The following CAPG variants were observed in gnomAD, a reference collection of about 807,000 sequenced individuals.
The protein encoded by CAPG is capping actin protein, gelsolin like.
In CAPG, 32 loss-of-function variants were observed where a neutral mutation model predicts 44.6. That is an observed-to-expected ratio of 0.72 (90% CI 0.54 to 0.96). CAPG has a LOEUF of 0.96. Among genes scored for constraint, CAPG ranks in the 50% least tolerant of loss-of-function variants. The pLI is 0.00. For synonymous variants in CAPG, 175 were observed against 179.6 expected (o/e 0.97, Z 0.20); for missense variants, 412 against 438.3 (o/e 0.94, Z 0.54).
chr2:85,411,076 G>C (rs929439797), upstream of CAPG, among the ~76,000 whole-genome samples: 1 of 152,056 alleles, frequency 6.6e-6, no homozygotes, highest in Admixed American at 6.6e-5. Flanking sequence ...GGCTGGTCTA[G>C]AACTCCTGAA....
intron 5 of CAPG, among the ~76,000 whole-genome samples, chr2:85,400,430 T>G (rs1219350414): frequency 6.6e-6 from 1 of 151,898 alleles, no homozygotes. Context: ...CCCCAAATCT[T>G]CAGCGCCACA....
intron 1 of CAPG, among the ~76,000 whole-genome samples, chr2:85,403,176 T>C (rs529703513): frequency 2.0e-5 from 3 of 152,204 alleles, no homozygotes; most frequent in Non-Finnish European, 4.4e-5. Flanking sequence ...GAGATCACCA[T>C]AGATTTTACA....
Position 85,395,418 on chromosome 2 carries a change from G to T in CAPG, c.981+120C>A. ...CTTTCCCACTGGATGGGTCTAAGAGGGAGGCCTGGTTGTTCCTGACAGTGC... is the reference window on the plus strand; with the variant it reads ...CTTTCCCACTGGATGGGTCTAAGAGTGAGGCCTGGTTGTTCCTGACAGTGC... On this transcript the variant is annotated intron_variant, in intron 9 of 9. Coordinates refer to ENST00000263867, the MANE Select transcript of CAPG (RefSeq NM_001747.4). The surrounding 1 kb of genome is among the most constrained non-coding windows in gnomAD (Gnocchi z 4.3). The T allele has an allele frequency of 1.4e-6, 1 of 732,520 alleles. No homozygotes were observed. The highest frequency in any genetic ancestry group is 2.0e-5 in the Admixed American group (1 of 49,058). The allele number at this position is 732,520 out of a possible 1,614,324, so 45.4% of individuals were successfully genotyped here. A position where few individuals can be genotyped will look rare whatever the true frequency, so the allele number is the denominator to read the frequency against.
At chr2:85,408,188 C>A (rs1378143593) in intron 1 of CAPG, among the ~76,000 whole-genome samples, 1 of 152,020 alleles carries the variant, frequency 6.6e-6, no homozygotes, top group African/African-American at 2.4e-5. Context: ...GCTAAAAATA[C>A]AAAATTAGCC....
At chr2:85,401,506 G>C (rs1277162956) in intron 4 of CAPG, 23 bp downstream of exon 4, 2 of 1,612,210 alleles carry the variant, frequency 1.2e-6, no homozygotes, top group South Asian at 2.2e-5. Context: ...GCAGGGTGGG[G>C]GTGCCTAGAG....
At chr2:85,412,930 A>T (rs1261096013), upstream of CAPG, among the ~76,000 whole-genome samples, 1 of 152,200 alleles carries the variant, frequency 6.6e-6, no homozygotes, top group African/African-American at 2.4e-5. Flanking sequence ...TTAATGAGCA[A>T]ATAATACATG....
In CAPG at chr2:85,395,590, AG is replaced by A; in HGVS notation, c.928del (p.Leu310CysfsTer75). On this transcript the variant is annotated frameshift_variant, in exon 9 of 10. Transcript: ENST00000263867. LOFTEE classifies it high-confidence loss of function. This position sits in a 1 kb window ranked among gnomAD's most constrained non-coding sequence, Gnocchi z 4.3. ...KANEKERQAALQVAEGFISRM... is the reference protein window; with the variant it reads ...KANEKERQAAXQVAEGFISRM... ...CGAGATGAAGCCCTCGGCCACCTGC[AG>A]GGCTGCCTGCCGCTCCTTCTCATTC... The A allele has an allele frequency of 6.2e-7, 1 of 1,614,010 alleles. No homozygotes were observed. The highest frequency in any genetic ancestry group is 1.1e-5 in the South Asian group (1 of 91,062).
chr2:85,392,939 G>C (rs1558726448), downstream of CAPG, among the ~76,000 whole-genome samples: 3 of 152,126 alleles, frequency 2.0e-5, no homozygotes, highest in Admixed American at 6.5e-5. Context: ...TCAGACCCTG[G>C]AACATTAGCA....
In CAPG at chr2:85,401,821, C is replaced by T. The variant is rs778447049; in HGVS notation, c.160G>A (p.Gly54Ser). 1.2e-6 allele frequency: 2 copies of T among 1,614,180 alleles called. No individual in the cohort carries two copies. Among genetic ancestry groups the T allele is most frequent in the Non-Finnish European group, 1.7e-6 (2 of 1,180,030 alleles). ...TGCAGATGGGAAACCTCTTCTGGGC[C>T]ATTGTGCAGCACTAGGTAGGAGTCC... The part of the protein sequence containing the change: ...SGDSYLVLHN[G>S]PEEVSHLHLW... Residue 54 changes from glycine to serine, a missense_variant, in exon 3 of 10, where the codon GGC becomes AGC. By Grantham distance (56) the Gly-to-Ser change is moderately conservative (BLOSUM62 0). Coordinates refer to ENST00000263867, the MANE Select transcript of CAPG (RefSeq NM_001747.4).
In CAPG at chr2:85,399,292, G is replaced by A. The variant is rs1312004682; in HGVS notation, c.517-7C>T. On this transcript the variant is annotated splice_polypyrimidine_tract_variant and splice_region_variant and intron_variant, in intron 5 of 9. Coordinates refer to ENST00000263867, the MANE Select transcript of CAPG (RefSeq NM_001747.4). ...CACACCAGGCGAAGATGTTCTGCAA[G>A]GAAGCAGGAAAGTCCGGGTCAGAGC... The A allele has an allele frequency of 2.5e-6, 4 of 1,613,664 alleles. No individual in the cohort carries two copies. Among genetic ancestry groups the A allele is most frequent in the Non-Finnish European group, 3.4e-6 (4 of 1,179,882 alleles).
chr2:85,392,265 C>T (rs945192251), downstream of CAPG, among the ~76,000 whole-genome samples: 7 of 152,142 alleles, frequency 4.6e-5, no homozygotes, highest in Non-Finnish European at 8.8e-5. Context: ...TGGCGGATGC[C>T]TGTAGTCCCA....
At chr2:85,397,838 A>G (rs749629221) in intron 8 of CAPG, among the ~76,000 whole-genome samples, 182 bp downstream of exon 8, 36 of 152,214 alleles carry the variant, frequency 2.4e-4, no homozygotes, top group Admixed American at 4.6e-4. Flanking sequence ...GGCAACATAG[A>G]AAGAACCCAT....
At chr2:85,393,744 T>G (rs1686470621), downstream of CAPG, among the ~76,000 whole-genome samples, 1 of 152,114 alleles carries the variant, frequency 6.6e-6, no homozygotes. Context: ...TTTTGTATTT[T>G]TAGTAGAGAA....
At chr2:85,396,851 C>T (rs370735746) in intron 8 of CAPG, among the ~76,000 whole-genome samples, 162 of 152,314 alleles carry the variant, frequency 1.1e-3, no homozygotes, top group African/African-American at 3.8e-3. Context: ...TAGCAGCTAT[C>T]TGTAGATACC....
chr2:85,405,090 C>G (rs1687084376), intron 1 of CAPG, among the ~76,000 whole-genome samples: 2 of 152,116 alleles, frequency 1.3e-5, no homozygotes, highest in Non-Finnish European at 2.9e-5. Flanking sequence ...TAAACTCCCT[C>G]CCTGAGAAAT....
rs1402569162 is a variant in CAPG, at chr2:85,398,768, C to T, written c.681G>A (p.Lys227=). 6.2e-7 allele frequency: 1 copy of T among 1,605,038 alleles called. No homozygotes were observed. Among genetic ancestry groups the T allele is most frequent in the Non-Finnish European group, 8.5e-7 (1 of 1,175,836 alleles). The change falls in exon 7 of 10, where the codon AAG becomes AAA. Residue 227 remains lysine (K), a synonymous_variant. Coordinates refer to ENST00000263867, the MANE Select transcript of CAPG (RefSeq NM_001747.4). The part of the protein sequence containing the change: ...PAEMIQVLGP[K]PALKEGNPEE... ...CAGGGTTGCCCTCCTTCAGAGCAGG[C>T]TTGGGGCCCAGGACCTGCAGGGGCC...
rs529668301 is a variant in CAPG, at chr2:85,395,493, G to C, written c.981+45C>G. On this transcript the variant is annotated intron_variant, in intron 9 of 9. Coordinates refer to ENST00000263867, the MANE Select transcript of CAPG (RefSeq NM_001747.4). This position sits in a 1 kb window ranked among gnomAD's most constrained non-coding sequence, Gnocchi z 4.3. ...CCAATTTGAGGGGTCAGGGGCCACA[G>C]GAAGAGCCCTAGGAAGAGGGCTGTG... 6.6e-5 allele frequency: 101 copies of C among 1,524,084 alleles called. 1 individual carries two copies. The highest frequency in any genetic ancestry group is 5.1e-5 in the Admixed American group (3 of 58,900). The allele number at this position is 1,524,084 out of a possible 1,614,324, so 94.4% of individuals were successfully genotyped here.
chr2:85,413,640 G>C (rs923126792), upstream of CAPG, among the ~76,000 whole-genome samples: 3 of 152,122 alleles, frequency 2.0e-5, no homozygotes, highest in Admixed American at 6.5e-5. Flanking sequence ...TAGGACTCTC[G>C]GGAGCGGCTA....
chr2:85,401,759 A>G (rs764211779), intron 3 of CAPG, 26 bp downstream of exon 3: 2 of 1,612,476 alleles, frequency 1.2e-6, no homozygotes, highest in African/African-American at 2.7e-5. Context: ...CCTGGGCCCA[A>G]CCTTCCCCCA....
Sources: allele counts gnomAD v4.1 joint callset (sites outside exome capture counted in the v4.1 genomes callset), GRCh38; gene constraint gnomAD v4.1.1; non-coding constraint Gnocchi (gnomAD v3.1); transcripts MANE v1.5; gene names NCBI Gene and HGNC (gene_info 2026-07-23, HGNC 2026-07-21).